Variants in FARS2 observed in about 807,000 individuals in gnomAD.
FARS2 encodes phenylalanine--tRNA ligase, mitochondrial.
In FARS2, 40 loss-of-function variants were observed where a neutral mutation model predicts 46.4. The observed-to-expected ratio is 0.86, with a 90% CI of 0.67 to 1.12. The LOEUF is 1.12. Among genes scored for constraint, FARS2 ranks in the 50% most tolerant of loss-of-function variants. The pLI, the probability that FARS2 is intolerant of heterozygous loss-of-function variation, is 0.00. For synonymous variants in FARS2, 234 were observed against 214.9 expected, an observed-to-expected ratio of 1.09 and a Z score of -0.78; for missense variants, 513 against 567.9, an observed-to-expected ratio of 0.90 and a Z score of 0.98.
chr6:5,698,050 G>A (rs1415089346), intron 6 of FARS2, among the ~76,000 whole-genome samples: 3 of 152,156 alleles, frequency 2.0e-5, no homozygotes, highest in Admixed American at 6.5e-5. Flanking sequence ...CTGTGATATG[G>A]GAGGACAAGG....
chr6:5,431,000 C>A, intron 3 of FARS2, 41 bp from the exon 4 acceptor site: 6 of 1,595,392 alleles, frequency 3.8e-6, no homozygotes, highest in Non-Finnish European at 5.1e-6. Context: ...GGGCAGACAG[C>A]TATTTAACAC....
chr6:5,622,156 TA>T (rs1775808673), intron 6 of FARS2, among the ~76,000 whole-genome samples: 1 of 152,182 alleles, frequency 6.6e-6, no homozygotes, highest in African/African-American at 2.4e-5. Context: ...TCAATCTCAC[TA>T]GGGGCCACTT....
intron 6 of FARS2, among the ~76,000 whole-genome samples, chr6:5,636,117 A>G (rs1209217365): frequency 1.3e-5 from 2 of 152,026 alleles, no homozygotes; most frequent in Non-Finnish European, 2.9e-5. Context: ...TTTAATCAGC[A>G]TTTCTCTTTG....
chr6:5,563,402 C>T (rs137947187), intron 5 of FARS2, among the ~76,000 whole-genome samples: 89 of 152,274 alleles, frequency 5.8e-4, no homozygotes, highest in African/African-American at 1.9e-3. Flanking sequence ...TTCTAATGGA[C>T]GTTATTTGCA....
chr6:5,265,901 A>G (rs1765520360), intron 1 of FARS2, among the ~76,000 whole-genome samples: 1 of 152,200 alleles, frequency 6.6e-6, no homozygotes, highest in African/African-American at 2.4e-5. Context: ...CAGCAGTGCT[A>G]AGGCCCAGGC....
chr6:5,417,597 TCTTAA>T (rs1313375606), intron 3 of FARS2, among the ~76,000 whole-genome samples: 27 of 152,342 alleles, frequency 1.8e-4, no homozygotes, highest in African/African-American at 6.5e-4. Flanking sequence ...AGAAATCTGC[TCTTAA>T]CTTTGCTTTT....
At chr6:5,480,731 A>G (rs1766402699) in intron 4 of FARS2, among the ~76,000 whole-genome samples, 1 of 152,112 alleles carries the variant, frequency 6.6e-6, no homozygotes, top group Admixed American at 6.5e-5. Flanking sequence ...TTCTGCTACC[A>G]CTGTCACTTA....
intron 1 of FARS2, among the ~76,000 whole-genome samples, chr6:5,285,087 G>T (rs898516077): frequency 2.0e-5 from 3 of 152,184 alleles, no homozygotes; most frequent in African/African-American, 7.2e-5. Context: ...GAGAAAAAGT[G>T]ACAGCAAAGG....
intron 6 of FARS2, among the ~76,000 whole-genome samples, chr6:5,648,884 C>T (rs1392593555): frequency 6.6e-6 from 1 of 152,168 alleles, no homozygotes; most frequent in Non-Finnish European, 1.5e-5. Context: ...TGCTCCATCC[C>T]CAGGGCCCAG....
intron 6 of FARS2, among the ~76,000 whole-genome samples, chr6:5,699,510 A>ATTTTT (rs376040816): frequency 7.0e-6 from 1 of 142,544 alleles, no homozygotes; most frequent in African/African-American, 2.6e-5. Flanking sequence ...ATCACAGGAG[A>ATTTTT]TTTTTTTTTT....
intron 5 of FARS2, among the ~76,000 whole-genome samples, chr6:5,554,467 A>G (rs1228276107): frequency 2.6e-5 from 4 of 152,124 alleles, no homozygotes; most frequent in East Asian, 1.9e-4. Context: ...CATCCTTGCT[A>G]TTTCTATGGT....
chr6:5,308,485 T>G (rs148219719), intron 1 of FARS2, among the ~76,000 whole-genome samples: 16 of 152,336 alleles, frequency 1.1e-4, no homozygotes, highest in African/African-American at 3.8e-4. Context: ...GCCATAAGTT[T>G]TTATTTCTAA....
intron 4 of FARS2, among the ~76,000 whole-genome samples, chr6:5,512,668 C>A (rs1036743229): frequency 6.6e-6 from 1 of 151,882 alleles, no homozygotes; most frequent in Admixed American, 6.6e-5. Flanking sequence ...GTGATAAAGA[C>A]ATTGATAATT....
Position 5,713,754 on chromosome 6 carries a change from G to T in FARS2, c.1218-57537G>T, listed in dbSNP as rs1157597944. Among the ~76,000 whole-genome samples, 4 of 152,332 alleles carry T rather than the reference G, an allele frequency of 2.6e-5. No individual in the cohort carries two copies. The East Asian group carries it at 7.7e-4, about 29-fold the overall frequency. ...TTGCATATTTGCACAGGCCATTGTT[G>T]CAGACAGGAGGGTGGCGCTTTGAGC... On this transcript the variant is annotated intron_variant, in intron 6 of 6. Coordinates refer to ENST00000274680, the MANE Select transcript of FARS2 (RefSeq NM_006567.5).
At position 5,294,800 on chromosome 6, in the gene FARS2, G is replaced by C. The variant is rs149695058; in HGVS notation, c.-22+33140G>C. On this transcript the variant is annotated intron_variant, in intron 1 of 6. Transcript: ENST00000274680. ...GGTGTTCCACCCTCCAGGGACCTTC[G>C]TGTGTTCAGCTATCAGGAAGCTCCC... Among the ~76,000 whole-genome samples, 316 of 152,250 alleles carry C rather than the reference G, an allele frequency of 2.1e-3. 3 individuals are homozygous for C. Among genetic ancestry groups the C allele is most frequent in the African/African-American group, 7.3e-3 (305 of 41,544 alleles).
intron 4 of FARS2, chr6:5,466,485 A>C (rs1026079428): frequency 2.1e-6 from 2 of 960,910 alleles, no homozygotes; most frequent in African/African-American, 3.5e-5. Context: ...AAACATAATA[A>C]ATGTTTAGTG....
chr6:5,653,074 C>T lies in FARS2; in HGVS notation c.1217+39754C>T, dbSNP rs186210517. Reference sequence around the variant, plus strand: ...GCCACTTTATTTTTATCTCTTCTTACGTCAAAGATAGGGAAAGCCTATTAA... The same window carrying T: ...GCCACTTTATTTTTATCTCTTCTTATGTCAAAGATAGGGAAAGCCTATTAA... On this transcript the variant is annotated intron_variant, in intron 6 of 6. Coordinates refer to ENST00000274680, the MANE Select transcript of FARS2 (RefSeq NM_006567.5). Among the ~76,000 whole-genome samples, 303 of 152,240 alleles carry T rather than the reference C, an allele frequency of 2.0e-3. 2 individuals carry two copies. The highest frequency in any genetic ancestry group is 7.0e-3 in the African/African-American group (290 of 41,552).
chr6:5,667,654 C>T (rs1203716275), intron 6 of FARS2, among the ~76,000 whole-genome samples: 1 of 152,138 alleles, frequency 6.6e-6, no homozygotes. Context: ...CAGTACCAAA[C>T]ATGGAGCCAT....
chr6:5,691,980 T>C (rs1757762288), intron 6 of FARS2, among the ~76,000 whole-genome samples: 2 of 152,170 alleles, frequency 1.3e-5, no homozygotes, highest in Non-Finnish European at 2.9e-5. Context: ...CGTAGGACCC[T>C]CCGAGCCAGG....
Sources: allele counts gnomAD v4.1 joint callset (sites outside exome capture counted in the v4.1 genomes callset), GRCh38; gene constraint gnomAD v4.1.1; transcripts MANE v1.5; gene names NCBI Gene and HGNC (gene_info 2026-07-23, HGNC 2026-07-21).